BCL11A: variants seen among roughly 807,000 people sequenced by gnomAD.
The protein encoded by BCL11A is B cell CLL/lymphoma 11A.
In BCL11A, 2 loss-of-function variants were observed where a neutral mutation model predicts 55.9. That is an observed-to-expected ratio of 0.04 (90% CI 0.01 to 0.11). The LOEUF (loss-of-function observed/expected upper bound fraction) is 0.11, where lower values mean the gene tolerates loss of function less well. BCL11A is among the 10% of genes least tolerant of loss of function. The probability of loss-of-function intolerance (pLI) is 1.00; values close to 1 mark genes in which losing one functional copy is unlikely to be tolerated. For missense variants in BCL11A, 817 were observed against 1,137.1 expected (o/e 0.72, Z 4.05); for synonymous variants, 465 against 473.4 (o/e 0.98, Z 0.23).
In BCL11A at chr2:60,462,138, G is replaced by A; in HGVS notation, c.774C>T (p.Arg258=). ...TAAACAGGGGGGGAGTGGGTGGAAA[G>A]CGCCCTTCTGCCAGGCCGGAAGCCT... ...SREASGLAEG[R]FPPTPPLFSP... is the part of the protein sequence containing the mutation. Residue 258 remains arginine (R), a synonymous_variant, in exon 4 of 4, where the codon CGC becomes CGT. Transcript: ENST00000642384. 2 of 1,559,990 alleles carry A rather than the reference G, an allele frequency of 1.3e-6. No homozygotes were observed. Among genetic ancestry groups the A allele is most frequent in the Non-Finnish European group, 1.7e-6 (2 of 1,154,316 alleles).
At chr2:60,505,658 G>A (rs1005140535) in intron 2 of BCL11A, among the ~76,000 whole-genome samples, 1 of 152,240 alleles carries the variant, frequency 6.6e-6, no homozygotes, top group Non-Finnish European at 1.5e-5. Flanking sequence ...GCCAGAGCAA[G>A]AGAGTTAGGA....
chr2:60,506,054 G>A (rs924558238), intron 2 of BCL11A, among the ~76,000 whole-genome samples: 12 of 152,202 alleles, frequency 7.9e-5, no homozygotes, highest in African/African-American at 2.9e-4. Context: ...CAGATGGTGC[G>A]AGAAGATAGT....
rs575373134 is a variant in BCL11A at position 60,475,671 on chromosome 2, G to T, written c.386-6838C>A. On this transcript the variant is annotated intron_variant, in intron 2 of 3. Coordinates refer to ENST00000642384, the MANE Select transcript of BCL11A (RefSeq NM_022893.4). ...TTTTCAAAGCCATGGGGAGGATAGG[G>T]GTGCCCTTACTCCTGCTCTGAGTCC... 2.6e-5 allele frequency among the ~76,000 whole-genome samples: 4 copies of T among 152,204 alleles called. No homozygotes were observed. The East Asian group carries it at 7.7e-4, about 29-fold the overall frequency.
At chr2:60,496,985 A>G (rs1166236890) in intron 2 of BCL11A, among the ~76,000 whole-genome samples, 1 of 152,252 alleles carries the variant, frequency 6.6e-6, no homozygotes, top group Admixed American at 6.5e-5. Flanking sequence ...CGATTACTTC[A>G]CGATAAATCT....
At chr2:60,462,917 A>G (rs925436889) in intron 3 of BCL11A, among the ~76,000 whole-genome samples, 4 of 152,202 alleles carry the variant, frequency 2.6e-5, no homozygotes, top group Non-Finnish European at 5.9e-5. Context: ...ATAGGCAAAC[A>G]TTTCATAGAG....
chr2:60,502,262 T>C (rs1045375782), intron 2 of BCL11A, among the ~76,000 whole-genome samples: 3 of 152,348 alleles, frequency 2.0e-5, no homozygotes, highest in East Asian at 1.9e-4. Context: ...TGAAACAAAA[T>C]GATGGATAGC....
Position 60,457,695 on chromosome 2 carries a change from T to C in BCL11A, c.*2709A>G, listed in dbSNP as rs1572944403. The C allele has an allele frequency of 5.8e-6, 6 of 1,031,018 alleles. No individual in the cohort carries two copies. The East Asian group carries it at 3.6e-4, about 62-fold the overall frequency. 63.9% of individuals were successfully genotyped at this position (1,031,018 alleles called of 1,614,324 possible). On this transcript the variant is annotated 3_prime_UTR_variant, in exon 4 of 4. Coordinates refer to ENST00000642384, the MANE Select transcript of BCL11A (RefSeq NM_022893.4). Reference sequence around the variant, plus strand: ...GTTTTTTTTTTTTTTTCCTTTTTTTTTCTTTCTTTCTTTTACTGCATATGA... The same window carrying C: ...GTTTTTTTTTTTTTTTCCTTTTTTTCTCTTTCTTTCTTTTACTGCATATGA...
chr2:60,520,264 C>G (rs1008714519), intron 2 of BCL11A, among the ~76,000 whole-genome samples: 38 of 152,078 alleles, frequency 2.5e-4, no homozygotes, highest in African/African-American at 9.2e-4. Context: ...AATTTTCACC[C>G]TTACAATAAA....
intron 2 of BCL11A, among the ~76,000 whole-genome samples, chr2:60,489,767 C>T (rs1354170207): frequency 1.3e-5 from 2 of 152,162 alleles, no homozygotes; most frequent in Non-Finnish European, 2.9e-5. Context: ...TTTATCAGCC[C>T]CCCTCTCACC....
At chr2:60,515,668 C>T (rs1433621651) in intron 2 of BCL11A, among the ~76,000 whole-genome samples, 1 of 152,196 alleles carries the variant, frequency 6.6e-6, no homozygotes, top group African/African-American at 2.4e-5. Context: ...GACCCAGCTA[C>T]CTCTCTGAAA....
intron 2 of BCL11A, chr2:60,537,294 T>A (rs570236780): frequency 7.2e-5 from 11 of 152,360 alleles, no homozygotes; most frequent in South Asian, 2.1e-4. Flanking sequence ...ATAATTTTTT[T>A]AAAATATTAG....
At position 60,459,626 on chromosome 2, in the gene BCL11A, A is replaced by G. The variant is rs1193163832; in HGVS notation, c.*778T>C. On this transcript the variant is annotated 3_prime_UTR_variant, in exon 4 of 4. Coordinates refer to ENST00000642384, the MANE Select transcript of BCL11A (RefSeq NM_022893.4). ...CTCACCCAATGCTGAATTAAGCTAC[A>G]AGTTTATAACAAGTAGAAAGAACCA... is the stretch of plus-strand genomic sequence containing the variant. The G allele has an allele frequency of 9.7e-7, 1 of 1,030,876 alleles. No individual in the cohort carries two copies. The allele number at this position is 1,030,876 out of a possible 1,614,324, so 63.9% of individuals were successfully genotyped here.
intron 2 of BCL11A, among the ~76,000 whole-genome samples, chr2:60,477,043 G>A (rs781221086): frequency 1.3e-5 from 2 of 152,078 alleles, no homozygotes; most frequent in East Asian, 1.9e-4. Flanking sequence ...CAAACACCCC[G>A]ATGCCTCCCT....
At chr2:60,491,645 CG>C (rs1678639640) in intron 2 of BCL11A, among the ~76,000 whole-genome samples, 1 of 150,002 alleles carries the variant, frequency 6.7e-6, no homozygotes, top group East Asian at 2.0e-4. Context: ...CATTCCAGCC[CG>C]GGCAACAAGA....
At position 60,461,549 on chromosome 2, in the gene BCL11A, A is replaced by C; in HGVS notation, c.1363T>G (p.Leu455Val). ...ASSPEPGTSD[L>V]VGSASSALKS... Reference sequence around the variant, plus strand: ...AGCGCGCTGCTGGCGCTGCCCACCAAGTCGCTGGTGCCGGGTTCCGGGGAG... The same window carrying C: ...AGCGCGCTGCTGGCGCTGCCCACCACGTCGCTGGTGCCGGGTTCCGGGGAG... The change falls in exon 4 of 4, where the codon TTG (leucine) becomes GTG (valine). Residue 455 changes from leucine to valine, a missense_variant. Physicochemically the swap from Leu to Val is conservative, Grantham distance 32. Transcript: ENST00000642384. The C allele has an allele frequency of 6.2e-7, 1 of 1,610,852 alleles. No homozygotes were observed. The highest frequency in any genetic ancestry group is 8.5e-7 in the Non-Finnish European group (1 of 1,180,000).
chr2:60,541,445 G>A (rs1005624492), intron 2 of BCL11A, among the ~76,000 whole-genome samples: 7 of 152,112 alleles, frequency 4.6e-5, no homozygotes, highest in African/African-American at 1.2e-4. Context: ...ACACTTCTGC[G>A]GCTCAATCAT....
At chr2:60,517,132 C>T (rs1206279335) in intron 2 of BCL11A, among the ~76,000 whole-genome samples, 1 of 152,134 alleles carries the variant, frequency 6.6e-6, no homozygotes, top group African/African-American at 2.4e-5. Flanking sequence ...GGAAGGATTT[C>T]CTGCGATTGA....
intron 2 of BCL11A, chr2:60,545,600 T>C (rs1670113187): frequency 4.8e-6 from 1 of 207,556 alleles, no homozygotes; most frequent in African/African-American, 2.4e-5. Context: ...ATGGCCACTT[T>C]GCCTCTGACA....
intron 2 of BCL11A, among the ~76,000 whole-genome samples, chr2:60,491,210 T>C (rs940677879): frequency 6.6e-6 from 1 of 152,254 alleles, no homozygotes; most frequent in East Asian, 1.9e-4. Context: ...CTCAGCCACC[T>C]GCGCATCCTC....
Sources: allele counts gnomAD v4.1 joint callset (sites outside exome capture counted in the v4.1 genomes callset), GRCh38; gene constraint gnomAD v4.1.1; transcripts MANE v1.5; gene names NCBI Gene and HGNC (gene_info 2026-07-23, HGNC 2026-07-21).